XIRP2: variants seen among roughly 807,000 people sequenced by gnomAD.
XIRP2 encodes the protein xin actin-binding repeat-containing protein 2.
Under a neutral mutation model 277.0 loss-of-function variants are expected in XIRP2, and 236 were observed. The observed-to-expected ratio is 0.85, with a 90% CI of 0.77 to 0.95. The LOEUF (loss-of-function observed/expected upper bound fraction) is 0.95, where lower values mean the gene tolerates loss of function less well. Among genes scored for constraint, XIRP2 ranks in the 40% least tolerant of loss-of-function variants. The pLI is 0.00. For missense variants in XIRP2, 4,640 were observed against 4,157.5 expected (o/e 1.12, Z -3.19); for synonymous variants, 1,490 against 1,416.5 (o/e 1.05, Z -1.17).
intron 3 of XIRP2, among the ~76,000 whole-genome samples, chr2:167,154,334 A>G (rs1692117438): frequency 6.6e-6 from 1 of 151,168 alleles, no homozygotes; most frequent in South Asian, 2.1e-4. Context: ...GTAGGTTGTG[A>G]AAATTTTCTT....
At chr2:167,076,867 G>A (rs890971123) in intron 2 of XIRP2, among the ~76,000 whole-genome samples, 4 of 151,944 alleles carry the variant, frequency 2.6e-5, no homozygotes, top group Non-Finnish European at 5.9e-5. Context: ...GGTCTCACTC[G>A]GTCTCTTAGG....
intron 3 of XIRP2, among the ~76,000 whole-genome samples, chr2:167,170,894 CTTTT>C (rs773187641): frequency 2.6e-4 from 24 of 92,696 alleles, no homozygotes; most frequent in South Asian, 1.2e-3. Context: ...TGCCTTTCTT[CTTTT>C]TTTTTTTTTT....
chr2:166,966,073 A>T (rs1239811965), intron 2 of XIRP2, among the ~76,000 whole-genome samples: 3 of 151,932 alleles, frequency 2.0e-5, no homozygotes, highest in Admixed American at 6.6e-5. Context: ...TTTAAATAAA[A>T]TCCCATATTT....
chr2:167,014,458 A>T (rs1687767987), intron 2 of XIRP2, among the ~76,000 whole-genome samples: 1 of 151,788 alleles, frequency 6.6e-6, no homozygotes, highest in Non-Finnish European at 1.5e-5. Flanking sequence ...ATAGAAAGGG[A>T]AAGTTGTTAG....
intron 3 of XIRP2, among the ~76,000 whole-genome samples, chr2:167,165,374 G>C (rs771650151): frequency 6.6e-6 from 1 of 152,118 alleles, no homozygotes; most frequent in East Asian, 1.9e-4. Context: ...GATCATGATT[G>C]CTCAATCATA....
At chr2:166,888,837 C>T (rs888711539) in intron 1 of XIRP2, among the ~76,000 whole-genome samples, 1 of 152,258 alleles carries the variant, frequency 6.6e-6, no homozygotes, top group Admixed American at 6.5e-5. Flanking sequence ...AATAGTTAAT[C>T]TCTCAGACTC....
At chr2:166,904,397 A>G (rs1424196602) in intron 2 of XIRP2, among the ~76,000 whole-genome samples, 1 of 152,164 alleles carries the variant, frequency 6.6e-6, no homozygotes, top group Admixed American at 6.5e-5. Context: ...CAAATGTCTT[A>G]ATCTGCTACT....
chr2:167,031,099 AG>A (rs1462556798), intron 2 of XIRP2, among the ~76,000 whole-genome samples: 1 of 149,912 alleles, frequency 6.7e-6, no homozygotes, highest in Non-Finnish European at 1.5e-5. Context: ...TTTACATGTG[AG>A]ATGGATCTCC....
intron 2 of XIRP2, among the ~76,000 whole-genome samples, chr2:167,077,859 T>A (rs774519129): frequency 2.6e-5 from 4 of 152,226 alleles, no homozygotes; most frequent in Non-Finnish European, 5.9e-5. Context: ...TTGACTGTGC[T>A]GTTGAAAATA....
At chr2:167,052,772 G>C (rs1688946479) in intron 2 of XIRP2, among the ~76,000 whole-genome samples, 1 of 152,094 alleles carries the variant, frequency 6.6e-6, no homozygotes, top group South Asian at 2.1e-4. Context: ...CATTGTTTTT[G>C]TGAGGCCCAA....
At chr2:167,138,715 GA>G (rs1691626184) in intron 3 of XIRP2, among the ~76,000 whole-genome samples, 1 of 152,090 alleles carries the variant, frequency 6.6e-6, no homozygotes, top group Non-Finnish European at 1.5e-5. Context: ...GGATATGAAA[GA>G]AAACAAATCA....
intron 3 of XIRP2, among the ~76,000 whole-genome samples, chr2:167,164,162 C>T (rs983436913): frequency 3.3e-5 from 5 of 151,966 alleles, no homozygotes; most frequent in Admixed American, 1.3e-4. Flanking sequence ...GTGAATTGGC[C>T]GGGCGCAGCG....
intron 2 of XIRP2, among the ~76,000 whole-genome samples, chr2:167,024,475 A>G (rs1688090999): frequency 6.6e-6 from 1 of 152,104 alleles, no homozygotes; most frequent in Non-Finnish European, 1.5e-5. Flanking sequence ...CCCTGGCCAG[A>G]ACTTCCCACA....
chr2:167,009,488 A>C (rs1687603836), intron 2 of XIRP2, among the ~76,000 whole-genome samples: 1 of 151,862 alleles, frequency 6.6e-6, no homozygotes, highest in African/African-American at 2.4e-5. Context: ...GGTTGATTTC[A>C]AGTCTTTGCT....
Position 167,248,758 on chromosome 2 carries a change from A to G in XIRP2, c.7366A>G (p.Lys2456Glu). The change falls in exon 9 of 11, where the codon AAA becomes GAA. Residue 2456 changes from lysine (K) to glutamate (E), a missense_variant. By Grantham distance (56) the Lys-to-Glu change is moderately conservative (BLOSUM62 1). Transcript: ENST00000409195. ...AACCTCCCTGTCAGATATGGAATGTAAAATTACTACCTCAAAGGATCAGAA... is the reference window on the plus strand; with the variant it reads ...AACCTCCCTGTCAGATATGGAATGTGAAATTACTACCTCAAAGGATCAGAA... ...LATSLSDMEC[K>E]ITTSKDQKKV... 1 of 1,613,802 alleles carries G rather than the reference A, an allele frequency of 6.2e-7. No individual in the cohort carries two copies. Among genetic ancestry groups the G allele is most frequent in the Non-Finnish European group, 8.5e-7 (1 of 1,179,818 alleles).
chr2:167,101,017 G>A (rs1446511352), intron 2 of XIRP2, among the ~76,000 whole-genome samples: 1 of 151,910 alleles, frequency 6.6e-6, no homozygotes, highest in African/African-American at 2.4e-5. Context: ...AAGGTCACTT[G>A]AAAACAACAA....
chr2:167,238,254 G>T (rs1485137799), intron 5 of XIRP2, among the ~76,000 whole-genome samples: 1 of 152,094 alleles, frequency 6.6e-6, no homozygotes, highest in Non-Finnish European at 1.5e-5. Context: ...CTTGAAATAT[G>T]TGGATTATTA....
chr2:167,001,041 T>C (rs115985303), intron 2 of XIRP2, among the ~76,000 whole-genome samples: 2,671 of 152,194 alleles, frequency 0.018, 77 homozygotes, highest in African/African-American at 0.061. Flanking sequence ...CTCCATTTCT[T>C]AAAAAATAAG....
intron 2 of XIRP2, among the ~76,000 whole-genome samples, chr2:166,972,738 C>T (rs1380702407): frequency 1.3e-5 from 2 of 152,140 alleles, no homozygotes; most frequent in Admixed American, 6.5e-5. Flanking sequence ...TTCTGGCACC[C>T]TTATTGGGAG....
Sources: gnomAD v4.1 joint callset for allele counts (sites outside exome capture counted in the v4.1 genomes callset) on GRCh38, gnomAD v4.1.1 for gene constraint, MANE v1.5 for transcripts, NCBI Gene and HGNC (gene_info 2026-07-23, HGNC 2026-07-21) for gene names.